Variants in EPS15 observed in about 807,000 individuals in gnomAD.
EPS15 encodes epidermal growth factor receptor pathway substrate 15, also known as epidermal growth factor receptor substrate 15.
EPS15 carries 72 observed loss-of-function variants against 113.8 expected under a neutral mutation model. That is an observed-to-expected ratio of 0.63 (90% confidence interval 0.52 to 0.77). The LOEUF is 0.77. EPS15 is among the 30% of genes least tolerant of loss of function. The probability of loss-of-function intolerance (pLI) is 0.00; values close to 1 mark genes in which losing one functional copy is unlikely to be tolerated. For synonymous variants in EPS15, 344 were observed against 363.4 expected (o/e 0.95, Z 0.61); for missense variants, 1,048 against 1,045.8 (o/e 1.00, Z -0.03).
chr1:51,423,326 AC>A, intron 12 of EPS15: 1 of 1,244,622 alleles, frequency 8.0e-7, no homozygotes, highest in East Asian at 5.8e-5. Flanking sequence ...TCATGCAAAG[AC>A]CATCCCCCAC....
intron 21 of EPS15, among the ~76,000 whole-genome samples, chr1:51,389,624 C>A (rs1157960011): frequency 6.6e-6 from 1 of 152,264 alleles, no homozygotes; most frequent in Non-Finnish European, 1.5e-5. Context: ...AGCAAAGTCT[C>A]AGGATACAAA....
chr1:51,366,095 C>G, intron 21 of EPS15, 66 bp from the exon 22 acceptor site: 14 of 1,065,246 alleles, frequency 1.3e-5, no homozygotes, highest in East Asian at 2.4e-5. Flanking sequence ...GAGACAGAGT[C>G]TCACTCTGTC....
intron 8 of EPS15, among the ~76,000 whole-genome samples, chr1:51,450,460 A>G (rs1182788677): frequency 2.0e-5 from 3 of 151,818 alleles, no homozygotes; most frequent in Non-Finnish European, 2.9e-5. Flanking sequence ...AGCAAGAGCA[A>G]ACCTGAGTTG....
intron 1 of EPS15, among the ~76,000 whole-genome samples, chr1:51,487,679 A>G (rs1365527009): frequency 2.0e-5 from 3 of 152,172 alleles, no homozygotes; most frequent in East Asian, 3.8e-4. Context: ...CTGATCTCCA[A>G]CCTGTGCCTT....
chr1:51,370,831 C>G (rs765064324), intron 21 of EPS15, among the ~76,000 whole-genome samples: 13 of 152,036 alleles, frequency 8.6e-5, no homozygotes, highest in Non-Finnish European at 1.3e-4. Flanking sequence ...GTTGGCCAGG[C>G]TGGTCTCGAA....
chr1:51,514,568 G>A (rs2148570583), intron 1 of EPS15, among the ~76,000 whole-genome samples: 1 of 152,196 alleles, frequency 6.6e-6, no homozygotes, highest in South Asian at 2.1e-4. Context: ...TCTTAGATTA[G>A]GCCTTTAAAA....
At chr1:51,496,101 C>G (rs1644318630) in intron 1 of EPS15, among the ~76,000 whole-genome samples, 1 of 152,178 alleles carries the variant, frequency 6.6e-6, no homozygotes, top group Admixed American at 6.5e-5. Flanking sequence ...TCCTATACTC[C>G]AAGTACTAGT....
chr1:51,511,548 C>T (rs757015270), intron 1 of EPS15, among the ~76,000 whole-genome samples: 3 of 152,084 alleles, frequency 2.0e-5, no homozygotes, highest in Admixed American at 6.6e-5. Context: ...TGATTCTAAA[C>T]CAGAGGCAAT....
intron 20 of EPS15, among the ~76,000 whole-genome samples, chr1:51,395,831 T>C (rs1488469208): frequency 6.6e-6 from 1 of 152,192 alleles, no homozygotes; most frequent in Non-Finnish European, 1.5e-5. Context: ...TTTCTGAACA[T>C]TTATATGCAA....
chr1:51,357,397 T>G (rs1254511560), intron 24 of EPS15, among the ~76,000 whole-genome samples: 1 of 58,256 alleles, frequency 1.7e-5, no homozygotes, highest in African/African-American at 1.0e-4. Context: ...AAAAAATATA[T>G]ATATATATAT....
Position 51,488,347 on chromosome 1 carries a change from T to C in EPS15, c.34-7033A>G, listed in dbSNP as rs1283435782. On this transcript the variant is annotated intron_variant, in intron 1 of 24. Transcript: ENST00000371733. ...ACCTATATCATAAATTCTTACCAGC[T>C]GTCACAAAGTTAAATATTCATAAAT... 2.0e-5 allele frequency among the ~76,000 whole-genome samples: 3 copies of C among 151,986 alleles called. No homozygotes were observed. In the East Asian group the frequency reaches 5.8e-4, roughly 29 times the overall value.
chr1:51,420,986 T>A (rs1383232502), intron 13 of EPS15, among the ~76,000 whole-genome samples: 1 of 152,190 alleles, frequency 6.6e-6, no homozygotes, highest in Non-Finnish European at 1.5e-5. Context: ...TACTAGCAAC[T>A]GCTACCAGTG....
chr1:51,448,919 C>A (rs1307636743), intron 8 of EPS15, among the ~76,000 whole-genome samples: 2 of 152,110 alleles, frequency 1.3e-5, no homozygotes, highest in Non-Finnish European at 2.9e-5. Flanking sequence ...AGTTCCTGCC[C>A]AAAATGAATT....
intron 16 of EPS15, among the ~76,000 whole-genome samples, chr1:51,405,613 G>C (rs1164515271): frequency 6.6e-6 from 1 of 151,846 alleles, no homozygotes; most frequent in Non-Finnish European, 1.5e-5. Flanking sequence ...CAGGAGAATT[G>C]CTTGAACCCA....
intron 1 of EPS15, among the ~76,000 whole-genome samples, chr1:51,517,526 C>A (rs1644744653): frequency 6.6e-6 from 1 of 152,214 alleles, no homozygotes; most frequent in East Asian, 1.9e-4. Flanking sequence ...ACAAAATCTT[C>A]AAGGGAAAAC....
At chr1:51,500,262 C>G (rs1042537275) in intron 1 of EPS15, among the ~76,000 whole-genome samples, 1 of 152,192 alleles carries the variant, frequency 6.6e-6, no homozygotes, top group Non-Finnish European at 1.5e-5. Context: ...CACTGGTATA[C>G]AAATGTGTTC....
chr1:51,447,197 T>C, intron 9 of EPS15, 92 bp from the exon 10 acceptor site: 2 of 1,102,988 alleles, frequency 1.8e-6, no homozygotes, highest in Middle Eastern at 2.1e-4. Context: ...CATCACAAAT[T>C]CTGAACAATT....
At chr1:51,410,582 A>G (rs1570241701) in intron 13 of EPS15, among the ~76,000 whole-genome samples, 1 of 152,198 alleles carries the variant, frequency 6.6e-6, no homozygotes, top group East Asian at 1.9e-4. Context: ...AATAACAAGA[A>G]CTACAGAAAT....
At chr1:51,424,067 T>C (rs1303823694) in intron 12 of EPS15, among the ~76,000 whole-genome samples, 3 of 152,234 alleles carry the variant, frequency 2.0e-5, no homozygotes, top group African/African-American at 7.2e-5. Context: ...ATTTAACTTT[T>C]GATTCATGTT....
Sources: gnomAD v4.1 joint callset for allele counts (sites outside exome capture counted in the v4.1 genomes callset) on GRCh38, gnomAD v4.1.1 for gene constraint, MANE v1.5 for transcripts, NCBI Gene and HGNC (gene_info 2026-07-23, HGNC 2026-07-21) for gene names.